MPND: variants seen among roughly 807,000 people sequenced by gnomAD.
The protein encoded by MPND is MPN domain-containing protein.
In MPND, 56 loss-of-function variants were observed where a neutral mutation model predicts 59.2. The observed-to-expected ratio is 0.95, with a 90% confidence interval of 0.76 to 1.18. MPND has a LOEUF of 1.18. MPND is among the 50% of genes most tolerant of loss of function. MPND has a pLI of 0.00. For synonymous variants in MPND, 323 were observed against 291.9 expected (o/e 1.11, Z -1.09); for missense variants, 671 against 676.0 (o/e 0.99, Z 0.08).
chr19:4,352,778 G>T (rs2144828447), intron 3 of MPND, 119 bp from the exon 4 acceptor site: 2 of 1,032,138 alleles, frequency 1.9e-6, no homozygotes, highest in Non-Finnish European at 2.5e-6. Flanking sequence ...CCCTCTAGTG[G>T]TCATGTGGGG....
intron 4 of MPND, 171 bp from the exon 5 acceptor site, chr19:4,353,874 G>T: frequency 1.7e-6 from 1 of 583,828 alleles, no homozygotes; most frequent in Non-Finnish European, 3.1e-6. Flanking sequence ...TGTAACTCAG[G>T]CTGGAGTGCA....
At chr19:4,351,466 C>T (rs938156558) in intron 3 of MPND, among the ~76,000 whole-genome samples, 5 of 152,158 alleles carry the variant, frequency 3.3e-5, no homozygotes, top group Non-Finnish European at 5.9e-5. Context: ...GCTCAATGAA[C>T]GGAGCATCTA....
intron 3 of MPND, chr19:4,347,859 C>A: frequency 3.9e-6 from 1 of 255,958 alleles, no homozygotes; most frequent in Non-Finnish European, 8.0e-6. Context: ...ACTGGTCACT[C>A]TGTAGCTGAA....
intron 8 of MPND, among the ~76,000 whole-genome samples, chr19:4,356,079 C>G (rs905275673): frequency 2.6e-5 from 4 of 151,436 alleles, no homozygotes; most frequent in African/African-American, 9.7e-5. Context: ...GTTTCAAACT[C>G]CTGACCTCGT....
At chr19:4,353,062 G>A (rs1280028351) in intron 4 of MPND, 33 bp downstream of exon 4, 12 of 1,320,864 alleles carry the variant, frequency 9.1e-6, no homozygotes, top group South Asian at 8.2e-5. Context: ...GCAGGACAGG[G>A]GCGGATACAG....
chr19:4,351,541 G>C (rs1972315488), intron 3 of MPND, among the ~76,000 whole-genome samples: 1 of 152,160 alleles, frequency 6.6e-6, no homozygotes, highest in African/African-American at 2.4e-5. Context: ...CGTGGAGTTG[G>C]AGGTCATTGT....
At chr19:4,353,460 G>A (rs1280090590) in intron 4 of MPND, among the ~76,000 whole-genome samples, 2 of 152,126 alleles carry the variant, frequency 1.3e-5, no homozygotes, top group African/African-American at 4.8e-5. Flanking sequence ...TAGAGATGGA[G>A]TTTCACAATG....
chr19:4,357,482 C>G, intron 9 of MPND, 33 bp from the exon 10 acceptor site: 2 of 1,611,378 alleles, frequency 1.2e-6, no homozygotes, highest in Middle Eastern at 1.7e-4. Context: ...GCCGAGCCTC[C>G]CAGGGCCAAC....
At chr19:4,349,276 A>C (rs1266959049) in intron 3 of MPND, among the ~76,000 whole-genome samples, 1 of 152,068 alleles carries the variant, frequency 6.6e-6, no homozygotes, top group Non-Finnish European at 1.5e-5. Context: ...CGGTTTCACC[A>C]TGTTGGTCAG....
chr19:4,350,131 T>C (rs1470382605), intron 3 of MPND, among the ~76,000 whole-genome samples: 1 of 92,724 alleles, frequency 1.1e-5, no homozygotes, highest in Non-Finnish European at 2.3e-5. Context: ...GAACTGAAGG[T>C]GGGGAGGGAG....
In MPND at chr19:4,357,330, A is replaced by G. The variant is rs773042766; in HGVS notation, c.1074A>G (p.Pro358=). The change falls in exon 9 of 13, where the codon CCA becomes CCG. Residue 358 remains proline (P), a synonymous_variant. Coordinates refer to ENST00000599840, the MANE Select transcript of MPND (RefSeq NM_001300862.2). The part of the protein sequence containing the change: ...YHSHPHSPAL[P]SLQDIDAQMD... ...GCCACCCACACAGCCCGGCGCTGCC[A>G]TCTCTGCAGGACATCGACGCACAGA... 4.3e-6 allele frequency: 7 copies of G among 1,613,056 alleles called. No individual in the cohort carries two copies. The highest frequency in any genetic ancestry group is 1.7e-5 in the Admixed American group (1 of 59,984).
chr19:4,353,420 G>A (rs1279963018), intron 4 of MPND, among the ~76,000 whole-genome samples: 2 of 152,112 alleles, frequency 1.3e-5, no homozygotes, highest in African/African-American at 2.4e-5. Context: ...GGCGCCAGCC[G>A]CCACGCCTGG....
Position 4,352,973 on chromosome 19 carries a change from C to A in MPND, c.608C>A (p.Ala203Glu). The stretch of plus-strand genomic sequence containing the variant: ...GAGGACGTTCTGGCAGGGGTCTCAG[C>A]AGAGGACAAGAGTCGGAGACCACTG... ...EEEDVLAGVS[A>E]EDKSRRPLGK... The change falls in exon 4 of 13, where the codon GCA (alanine) becomes GAA (glutamate). Residue 203 changes from alanine to glutamate, a missense_variant. Coordinates refer to ENST00000599840, the MANE Select transcript of MPND (RefSeq NM_001300862.2). 7.2e-7 allele frequency: 1 copy of A among 1,386,554 alleles called. No homozygotes were observed. The allele number at this position is 1,386,554 out of a possible 1,614,324, so 85.9% of individuals were successfully genotyped here.
intron 8 of MPND, 87 bp downstream of exon 8, chr19:4,355,260 C>T: frequency 7.2e-7 from 1 of 1,386,142 alleles, no homozygotes; most frequent in Non-Finnish European, 1.0e-6. Context: ...CTGGCAGTGT[C>T]ATCACCCAGC....
chr19:4,349,378 G>A (rs923235267), intron 3 of MPND, among the ~76,000 whole-genome samples: 2 of 152,258 alleles, frequency 1.3e-5, no homozygotes, highest in South Asian at 2.1e-4. Context: ...AGCCAGTCAC[G>A]ATTCCTTTGC....
rs1450373692 is a variant in MPND at position 4,354,606 on chromosome 19, C to T, written c.846+186C>T. The T allele has an allele frequency of 8.0e-6, 5 of 622,988 alleles. 1 individual carries two copies. The highest frequency in any genetic ancestry group is 7.8e-5 in the South Asian group (4 of 51,334). 38.6% of individuals were successfully genotyped at this position (622,988 alleles called of 1,614,324 possible). A position where few individuals can be genotyped will look rare whatever the true frequency, so the allele number is the denominator to read the frequency against. On this transcript the variant is annotated intron_variant, in intron 6 of 12. Coordinates refer to ENST00000599840, the MANE Select transcript of MPND (RefSeq NM_001300862.2). Reference sequence around the variant, plus strand: ...GCGTGGCCAGGCCCAGTGGCTCACACCTATAATCCCAGCACTTTGGGAAGC... The same window carrying T: ...GCGTGGCCAGGCCCAGTGGCTCACATCTATAATCCCAGCACTTTGGGAAGC...
chr19:4,357,522 C>T lies in MPND; in HGVS notation c.1173C>T (p.Tyr391=), dbSNP rs1284866316. 2 of 1,613,676 alleles carry T rather than the reference C, an allele frequency of 1.2e-6. No individual in the cohort carries two copies. The highest frequency in any genetic ancestry group is 1.7e-6 in the Non-Finnish European group (2 of 1,179,824). Reference sequence around the variant, plus strand: ...CTCCCTCTCTCCCGCCAGCCCCTTACTATTCTGGCAACCCAGGCCCCGAGT... The same window carrying T: ...CTCCCTCTCTCCCGCCAGCCCCTTATTATTCTGGCAACCCAGGCCCCGAGT... ...QPCLALLCSP[Y]YSGNPGPESK... The change falls in exon 10 of 13, where the codon TAC becomes TAT. Residue 391 remains tyrosine, a synonymous_variant. Transcript: ENST00000599840.
chr19:4,357,575 C>A lies in MPND; in HGVS notation c.1226C>A (p.Pro409His). ...ESKISPFWVM[P>H]PPEQRPSDYG... ...AAGATCTCACCTTTCTGGGTGATGC[C>A]TCCTCCCGAGGTAGGTGGGGCTGTT... The change falls in exon 10 of 13, where the codon CCT (proline) becomes CAT (histidine). Residue 409 changes from proline to histidine, a missense_variant. Physicochemically the swap from Pro to His is moderately conservative, Grantham distance 77. Transcript: ENST00000599840. 6.2e-7 allele frequency: 1 copy of A among 1,612,576 alleles called. No homozygotes were observed.
chr19:4,355,282 T>G (rs1599575989), intron 8 of MPND, 109 bp downstream of exon 8: 2 of 1,113,050 alleles, frequency 1.8e-6, no homozygotes, highest in South Asian at 2.7e-5. Context: ...ACCGTGCAGG[T>G]GAGCATGCCC....
Sources: gnomAD v4.1 joint callset for allele counts (sites outside exome capture counted in the v4.1 genomes callset) on GRCh38, gnomAD v4.1.1 for gene constraint, MANE v1.5 for transcripts, NCBI Gene and HGNC (gene_info 2026-07-23, HGNC 2026-07-21) for gene names.